ATP8B2: variants seen among roughly 807,000 people sequenced by gnomAD.
The protein encoded by ATP8B2 is phospholipid-transporting ATPase ID.
Under a neutral mutation model 133.4 loss-of-function variants are expected in ATP8B2, and 70 were observed. The observed-to-expected ratio is 0.52, with a 90% confidence interval of 0.43 to 0.64. ATP8B2 has a LOEUF of 0.64. Among genes scored for constraint, ATP8B2 ranks in the 30% least tolerant of loss-of-function variants. The pLI is 0.00. For synonymous variants in ATP8B2, 517 were observed against 589.5 expected (o/e 0.88, Z 1.78); for missense variants, 1,101 against 1,535.7 (o/e 0.72, Z 4.73).
rs755946586 is a variant in ATP8B2 at position 154,346,430 on chromosome 1, T to C, written c.2978T>C (p.Phe993Ser). Residue 993 changes from phenylalanine to serine, a missense_variant, in exon 25 of 28, where the codon TTT becomes TCT. Phe to Ser is a radical substitution (Grantham distance 155). Transcript: ENST00000368489. The surrounding 1 kb of genome is among the most constrained non-coding windows in gnomAD (Gnocchi z 4.5). ...ACTCAGCTGGCTGACTACCAGTCCTTTGCAGTCACTGTGGCCACATCCTTG... is the reference window on the plus strand; with the variant it reads ...ACTCAGCTGGCTGACTACCAGTCCTCTGCAGTCACTGTGGCCACATCCTTG... ...DGTQLADYQSFAVTVATSLVI... is the reference protein window; with the variant it reads ...DGTQLADYQSSAVTVATSLVI... The C allele has an allele frequency of 6.2e-7, 1 of 1,614,160 alleles. No individual in the cohort carries two copies. The highest frequency in any genetic ancestry group is 2.2e-5 in the East Asian group (1 of 44,884).
At position 154,325,698 on chromosome 1, in the gene ATP8B2, C is replaced by CTGAGG; in HGVS notation, c.-38+2_-38+6dup. On this transcript the variant is annotated 5_prime_UTR_variant, in exon 1 of 28. Transcript: ENST00000368489. Reference sequence around the variant, plus strand: ...CGGGGCGGGCGCCGAGCGCTGAGCGCTGAGGTGAGGCGAGGCGAGGCGAAG... The same window carrying CTGAGG: ...CGGGGCGGGCGCCGAGCGCTGAGCGCTGAGGTGAGGTGAGGCGAGGCGAGGCGAAG... 1 of 152,316 alleles carries CTGAGG rather than the reference C, an allele frequency of 6.6e-6. No individual in the cohort carries two copies. The highest frequency in any genetic ancestry group is 1.5e-5 in the Non-Finnish European group (1 of 68,276). The allele number at this position is 152,316 out of a possible 1,614,324, so 9.4% of individuals were successfully genotyped here.
In ATP8B2 at chr1:154,337,323, G is replaced by A. The variant is rs78960802; in HGVS notation, c.838-25G>A. 9.3e-4 allele frequency: 1,496 copies of A among 1,600,282 alleles called. 12 individuals are homozygous for A. The African/African-American group carries it at 0.017, about 18-fold the overall frequency. The stretch of plus-strand genomic sequence containing the variant: ...TGAGGGCTTCCTACATGTCAGCCTC[G>A]CCTGTGCTTCTCATTCCTCCCCAGA... On this transcript the variant is annotated intron_variant, in intron 11 of 27. Coordinates refer to ENST00000368489, the MANE Select transcript of ATP8B2 (RefSeq NM_001370597.1).
In ATP8B2 at chr1:154,345,241, G is replaced by A. The variant is rs963733047; in HGVS notation, c.2471-81G>A. On this transcript the variant is annotated intron_variant, in intron 22 of 27. Transcript: ENST00000368489. The surrounding 1 kb of genome is among the most constrained non-coding windows in gnomAD (Gnocchi z 5.6). ...TCTCTGGACTGCAGAAGAATGACGG[G>A]AAGGGGGTTGTAACTTGGTAGGCTC... is the stretch of plus-strand genomic sequence containing the variant. 6 of 1,601,720 alleles carry A rather than the reference G, an allele frequency of 3.7e-6. No individual in the cohort carries two copies. In the African/African-American group the frequency reaches 8.0e-5, roughly 21 times the overall value.
chr1:154,337,851 TCTC>T (rs1428380040), intron 12 of ATP8B2: 9 of 1,018,056 alleles, frequency 8.8e-6, no homozygotes, highest in Non-Finnish European at 1.4e-6. Context: ...TAGGAATGGA[TCTC>T]CTTCCTTCTA....
At position 154,331,311 on chromosome 1, in the gene ATP8B2, G is replaced by T; in HGVS notation, c.304-133G>T. 8.7e-7 allele frequency: 1 copy of T among 1,155,328 alleles called. No homozygotes were observed. Among genetic ancestry groups the T allele is most frequent in the East Asian group, 2.4e-5 (1 of 41,154 alleles). The allele number at this position is 1,155,328 out of a possible 1,614,324, so 71.6% of individuals were successfully genotyped here. ...TGTCTTTTTGCTGAGCGTGGGGAGAGGGAATCAGGGAGTGAACTGGTTTGT... is the reference window on the plus strand; with the variant it reads ...TGTCTTTTTGCTGAGCGTGGGGAGATGGAATCAGGGAGTGAACTGGTTTGT... On this transcript the variant is annotated intron_variant, in intron 5 of 27. Coordinates refer to ENST00000368489, the MANE Select transcript of ATP8B2 (RefSeq NM_001370597.1). The surrounding 1 kb of genome is among the most constrained non-coding windows in gnomAD (Gnocchi z 4.8).
rs777015989 is a variant in ATP8B2 at position 154,340,211 on chromosome 1, C to T, written c.1035-643C>T. Among the ~76,000 whole-genome samples, 8 of 152,156 alleles carry T rather than the reference C, an allele frequency of 5.3e-5. No individual in the cohort carries two copies. Among genetic ancestry groups the T allele is most frequent in the Non-Finnish European group, 7.4e-5 (5 of 68,024 alleles). On this transcript the variant is annotated intron_variant, in intron 12 of 27. Coordinates refer to ENST00000368489, the MANE Select transcript of ATP8B2 (RefSeq NM_001370597.1). This position sits in a 1 kb window ranked among gnomAD's most constrained non-coding sequence, Gnocchi z 4.0. The stretch of plus-strand genomic sequence containing the variant: ...CAAGCAAACAACAACCACCACAATG[C>T]GCTGTGCCATTGTGAAGTGGTGGTG...
chr1:154,340,953 C>T lies in ATP8B2; in HGVS notation c.1134C>T (p.Thr378=). Residue 378 remains threonine, a synonymous_variant, in exon 13 of 28, where the codon ACC becomes ACT. Transcript: ENST00000368489. This position sits in a 1 kb window ranked among gnomAD's most constrained non-coding sequence, Gnocchi z 4.0. The part of the protein sequence containing the change: ...KRTPAEARTT[T]LNEELGQVEY... ...CGCCTGCAGAAGCCCGCACCACCAC[C>T]CTAAACGAGGAGCTGGGCCAGGTGG... The T allele has an allele frequency of 6.2e-7, 1 of 1,614,174 alleles. No individual in the cohort carries two copies. Among genetic ancestry groups the T allele is most frequent in the Non-Finnish European group, 8.5e-7 (1 of 1,180,040 alleles).
intron 27 of ATP8B2, 85 bp downstream of exon 27, chr1:154,348,623 C>T: frequency 6.5e-7 from 1 of 1,548,590 alleles, no homozygotes; most frequent in Non-Finnish European, 8.8e-7. Flanking sequence ...CTCTGTGGGG[C>T]CATGTGGCTG....
At chr1:154,327,431 G>A (rs2149157212) in intron 1 of ATP8B2, among the ~76,000 whole-genome samples, 1 of 152,110 alleles carries the variant, frequency 6.6e-6, no homozygotes, top group East Asian at 1.9e-4. Flanking sequence ...GCTTGGGGTG[G>A]GAGGGAGGGA....
rs753124943 is a variant in ATP8B2 at position 154,346,247 on chromosome 1, G to A, written c.2795G>A (p.Arg932Gln). 6.8e-6 allele frequency: 11 copies of A among 1,613,904 alleles called. No individual in the cohort carries two copies. Among genetic ancestry groups the A allele is most frequent in the Admixed American group, 1.7e-5 (1 of 60,020 alleles). ...CCCACACAGGATGTCCCCGAGCAGCGGAGCATGGAGTACCCTAAGCTGTAT... is the reference window on the plus strand; with the variant it reads ...CCCACACAGGATGTCCCCGAGCAGCAGAGCATGGAGTACCCTAAGCTGTAT... Reference protein sequence around the residue: ...GVFDQDVPEQRSMEYPKLYEP... With the variant: ...GVFDQDVPEQQSMEYPKLYEP... The change falls in exon 25 of 28, where the codon CGG (arginine) becomes CAG (glutamine). Residue 932 changes from arginine (R) to glutamine (Q), a missense_variant. Physicochemically the swap from Arg to Gln is conservative, Grantham distance 43. Coordinates refer to ENST00000368489, the MANE Select transcript of ATP8B2 (RefSeq NM_001370597.1). This position sits in a 1 kb window ranked among gnomAD's most constrained non-coding sequence, Gnocchi z 4.5.
In ATP8B2 at chr1:154,330,767, T is replaced by C. The variant is rs754998967; in HGVS notation, c.91-48T>C. ...GGGGGAGGCAGCCTCAGTCTGGTTC[T>C]GGGTTGGGACTGGAGACTGCTCATT... is the stretch of plus-strand genomic sequence containing the variant. On this transcript the variant is annotated intron_variant, in intron 3 of 27. Transcript: ENST00000368489. 35 of 1,508,346 alleles carry C rather than the reference T, an allele frequency of 2.3e-5. No homozygotes were observed. In the South Asian group the frequency reaches 3.4e-4, roughly 15 times the overall value. 93.4% of individuals were successfully genotyped at this position (1,508,346 alleles called of 1,614,324 possible).
intron 3 of ATP8B2, 29 bp downstream of exon 3, chr1:154,330,483 C>T (rs373621889): frequency 1.9e-6 from 3 of 1,610,154 alleles, no homozygotes; most frequent in South Asian, 2.2e-5. Flanking sequence ...CCTGTTCCCT[C>T]TCTCTGTTTG....
chr1:154,334,293 AG>A lies in ATP8B2; in HGVS notation c.748+31del. 6.2e-7 allele frequency: 1 copy of A among 1,609,578 alleles called. No homozygotes were observed. Among genetic ancestry groups the A allele is most frequent in the Non-Finnish European group, 8.5e-7 (1 of 1,176,318 alleles). ...GAGCCTCCTAGCATCCAAAGAAAGA[AG>A]GGTAAGAGTGACTCAGCCAGCCCTC... On this transcript the variant is annotated intron_variant, in intron 10 of 27. Coordinates refer to ENST00000368489, the MANE Select transcript of ATP8B2 (RefSeq NM_001370597.1). This position sits in a 1 kb window ranked among gnomAD's most constrained non-coding sequence, Gnocchi z 4.6.
At position 154,328,406 on chromosome 1, in the gene ATP8B2, GTCTTA is replaced by G. The variant is rs951263503; in HGVS notation, c.31+239_31+243del. ...AGCCCCACGCCCCGAAACACCTGCA[GTCTTA>G]TCTTCGGGCACCTGCAGCTCCTGCT... On this transcript the variant is annotated intron_variant, in intron 2 of 27. Coordinates refer to ENST00000368489, the MANE Select transcript of ATP8B2 (RefSeq NM_001370597.1). This position sits in a 1 kb window ranked among gnomAD's most constrained non-coding sequence, Gnocchi z 4.6. 6.6e-6 allele frequency among the ~76,000 whole-genome samples: 1 copy of G among 152,208 alleles called. No individual in the cohort carries two copies. Among genetic ancestry groups the G allele is most frequent in the African/African-American group, 2.4e-5 (1 of 41,450 alleles).
chr1:154,331,469 T>G lies in ATP8B2; in HGVS notation c.329T>G (p.Val110Gly). The change falls in exon 6 of 28, where the codon GTG becomes GGG. Residue 110 changes from valine to glycine, a missense_variant. Transcript: ENST00000368489. This position sits in a 1 kb window ranked among gnomAD's most constrained non-coding sequence, Gnocchi z 4.8. ...DYFRHKSDNQ[V>G]NNRQSQVLIN... The stretch of plus-strand genomic sequence containing the variant: ...TTCCGCCACAAGAGCGATAACCAGG[T>G]GAATAACCGCCAGTCTCAGGTGCTG... The G allele has an allele frequency of 6.2e-7, 1 of 1,614,032 alleles. No homozygotes were observed. Among genetic ancestry groups the G allele is most frequent in the Non-Finnish European group, 8.5e-7 (1 of 1,180,014 alleles).
chr1:154,336,238 A>G (rs997128184), intron 11 of ATP8B2, among the ~76,000 whole-genome samples: 3 of 152,240 alleles, frequency 2.0e-5, no homozygotes, highest in African/African-American at 4.8e-5. Context: ...GAGCTAATCA[A>G]CTATTTCAGT....
intron 12 of ATP8B2, among the ~76,000 whole-genome samples, chr1:154,339,723 C>T (rs538482030): frequency 1.0e-3 from 152 of 152,232 alleles, no homozygotes; most frequent in South Asian, 9.5e-3. Context: ...TTCCCATTTG[C>T]CTGGTAATGG....
rs1686362892 is a variant in ATP8B2, at chr1:154,341,054, A to C, written c.1235A>C (p.His412Pro). 6.2e-7 allele frequency: 1 copy of C among 1,614,066 alleles called. No homozygotes were observed. Among genetic ancestry groups the C allele is most frequent in the African/African-American group, 1.3e-5 (1 of 74,922 alleles). ...TTCAACAAGTGCTCCATCAATGGCCACAGCTATGGTATGGTGGCACCACTG... is the reference window on the plus strand; with the variant it reads ...TTCAACAAGTGCTCCATCAATGGCCCCAGCTATGGTATGGTGGCACCACTG... ...MVFNKCSING[H>P]SYGDVFDVLG... is the part of the protein sequence containing the mutation. The change falls in exon 13 of 28, where the codon CAC becomes CCC. Residue 412 changes from histidine (H) to proline (P), a missense_variant. Coordinates refer to ENST00000368489, the MANE Select transcript of ATP8B2 (RefSeq NM_001370597.1).
Position 154,328,171 on chromosome 1 carries a change from A to G in ATP8B2, c.30A>G (p.Pro10=). 1 of 1,613,558 alleles carries G rather than the reference A, an allele frequency of 6.2e-7. No homozygotes were observed. The highest frequency in any genetic ancestry group is 1.1e-5 in the South Asian group (1 of 91,068). Residue 10 remains proline (P), a splice_region_variant and synonymous_variant, in exon 2 of 28, where the codon CCA becomes CCG. Coordinates refer to ENST00000368489, the MANE Select transcript of ATP8B2 (RefSeq NM_001370597.1). The surrounding 1 kb of genome is among the most constrained non-coding windows in gnomAD (Gnocchi z 4.6). ...CAGTGTGTGCAAAAAAGCGCCCCCCAGGTAAGACAGGCAAGGAGGGGAGAT... is the reference window on the plus strand; with the variant it reads ...CAGTGTGTGCAAAAAAGCGCCCCCCGGGTAAGACAGGCAAGGAGGGGAGAT... MAVCAKKRP[P]EEERRARAND...
Sources: gnomAD v4.1 joint callset for allele counts (sites outside exome capture counted in the v4.1 genomes callset) on GRCh38, gnomAD v4.1.1 for gene constraint, Gnocchi (gnomAD v3.1) non-coding constraint, MANE v1.5 for transcripts, NCBI Gene and HGNC (gene_info 2026-07-23, HGNC 2026-07-21) for gene names.